CENPK: variants seen among roughly 807,000 people sequenced by gnomAD.
CENPK encodes centromere protein K, also known as SoxLZ/Sox6-binding protein Solt.
CENPK carries 46 observed loss-of-function variants against 40.9 expected under a neutral mutation model. The ratio of observed to expected loss-of-function variants is 1.13; its 90% CI spans 0.89 to 1.44. The LOEUF (loss-of-function observed/expected upper bound fraction) is 1.44, where lower values mean the gene tolerates loss of function less well. CENPK is among the 40% of genes most tolerant of loss of function. The probability of loss-of-function intolerance (pLI) is 0.00; values close to 1 mark genes in which losing one functional copy is unlikely to be tolerated. For synonymous variants in CENPK, 107 were observed against 104.4 expected (o/e 1.02, Z -0.15); for missense variants, 288 against 303.5 (o/e 0.95, Z 0.38).
chr5:65,547,441 T>C (rs1749207927), intron 5 of CENPK, among the ~76,000 whole-genome samples: 1 of 149,160 alleles, frequency 6.7e-6, no homozygotes, highest in Non-Finnish European at 1.5e-5. Context: ...AGATGCTAAA[T>C]ATACTACTAA....
intron 2 of CENPK, among the ~76,000 whole-genome samples, chr5:65,557,732 T>C (rs1581107041): frequency 6.6e-6 from 1 of 152,194 alleles, no homozygotes; most frequent in Non-Finnish European, 1.5e-5. Context: ...ACAAAACTCA[T>C]GAGCGTAATA....
Position 65,518,243 on chromosome 5 carries a change from T to C in CENPK, c.*232A>G. 2.4e-6 allele frequency: 1 copy of C among 417,600 alleles called. No homozygotes were observed. 25.9% of individuals were successfully genotyped at this position (417,600 alleles called of 1,614,324 possible). A position where few individuals can be genotyped will look rare whatever the true frequency, so the allele number is the denominator to read the frequency against. ...TACATTAAATGTTTTATGCCTAGAA[T>C]ATTATCTACCTGCATTCTTATCCAT... On this transcript the variant is annotated 3_prime_UTR_variant, in exon 11 of 11. Transcript: ENST00000396679.
At chr5:65,515,204 A>AATTTTTTTTTTTTTTTTTTTTTTTTT (rs35708852), downstream of CENPK, among the ~76,000 whole-genome samples, 2 of 124,054 alleles carry the variant, frequency 1.6e-5, 1 homozygote, top group African/African-American at 6.2e-5. Flanking sequence ...TCTCAAAAAA[A>AATTTTTTTTTTTTTTTTTTTTTTTTT]TTTTTTTTTT....
intron 6 of CENPK, among the ~76,000 whole-genome samples, chr5:65,537,697 T>C (rs1453868747): frequency 6.6e-6 from 1 of 152,220 alleles, no homozygotes; most frequent in Non-Finnish European, 1.5e-5. Context: ...GGCGGGCTTT[T>C]TTCATTTAGC....
chr5:65,561,749 G>C (rs1752007713), intron 1 of CENPK, among the ~76,000 whole-genome samples, 185 bp from the exon 2 acceptor site: 1 of 140,940 alleles, frequency 7.1e-6, no homozygotes, highest in Non-Finnish European at 1.6e-5. Flanking sequence ...AAGAAAAACA[G>C]TATCTCTTTA....
At chr5:65,528,696 A>C in intron 8 of CENPK, 118 bp from the exon 9 acceptor site, 1 of 1,257,146 alleles carries the variant, frequency 8.0e-7, no homozygotes, top group Non-Finnish European at 1.1e-6. Flanking sequence ...CTCAAACCAA[A>C]TAACTACCTT....
chr5:65,509,217 T>C, the CENPK span, among the ~76,000 whole-genome samples: 1 of 152,214 alleles, frequency 6.6e-6, no homozygotes. Flanking sequence ...TTCTCAGTTA[T>C]AAACAATACG....
intron 5 of CENPK, among the ~76,000 whole-genome samples, chr5:65,543,115 C>T (rs1748266196): frequency 6.6e-6 from 1 of 152,232 alleles, no homozygotes; most frequent in East Asian, 1.9e-4. Flanking sequence ...AGGCATCCAC[C>T]AACATGCCTG....
At chr5:65,543,631 T>C (rs1309560154) in intron 5 of CENPK, among the ~76,000 whole-genome samples, 2 of 152,180 alleles carry the variant, frequency 1.3e-5, no homozygotes, top group African/African-American at 4.8e-5. Context: ...CCAAAATGAA[T>C]ATACCATAAT....
At chr5:65,545,377 C>T (rs1748741146) in intron 5 of CENPK, among the ~76,000 whole-genome samples, 1 of 139,476 alleles carries the variant, frequency 7.2e-6, no homozygotes, top group African/African-American at 2.6e-5. Context: ...CACACACACA[C>T]ACACGCCTTC....
chr5:65,508,831 G>A, the CENPK span, among the ~76,000 whole-genome samples: 1 of 147,414 alleles, frequency 6.8e-6, no homozygotes, highest in East Asian at 2.0e-4. Flanking sequence ...ACTTCTGGGA[G>A]AAAATGTTGT....
intron 6 of CENPK, among the ~76,000 whole-genome samples, chr5:65,540,890 C>T (rs543494271): frequency 9.9e-5 from 15 of 151,664 alleles, no homozygotes; most frequent in Middle Eastern, 6.8e-3. Flanking sequence ...TCACTGCAGC[C>T]TCAACCTCCC....
chr5:65,521,661 CGCAATCTCGGTTCACT>C (rs1743780133), intron 9 of CENPK, 133 bp from the exon 10 acceptor site: 1 of 645,860 alleles, frequency 1.5e-6, no homozygotes, highest in Non-Finnish European at 2.7e-6. Context: ...AGTGCAATGG[CGCAATCTCGGTTCACT>C]GCAACCTCCG....
At chr5:65,554,251 C>G (rs1051617363) in intron 3 of CENPK, among the ~76,000 whole-genome samples, 3 of 151,980 alleles carry the variant, frequency 2.0e-5, no homozygotes, top group African/African-American at 7.3e-5. Context: ...AAGCAATTCT[C>G]CTGTCTCAGC....
the CENPK span, among the ~76,000 whole-genome samples, chr5:65,505,824 A>C: frequency 1.3e-5 from 2 of 152,124 alleles, no homozygotes; most frequent in African/African-American, 4.8e-5. Context: ...TTTTTATCAC[A>C]AACTTCTATG....
chr5:65,546,294 C>A (rs1748958743), intron 5 of CENPK, among the ~76,000 whole-genome samples: 1 of 152,094 alleles, frequency 6.6e-6, no homozygotes, highest in Non-Finnish European at 1.5e-5. Flanking sequence ...ACGTGAGCCA[C>A]CACACCCGGC....
intron 5 of CENPK, among the ~76,000 whole-genome samples, chr5:65,547,609 G>A (rs1338316272): frequency 6.6e-6 from 1 of 151,932 alleles, no homozygotes; most frequent in African/African-American, 2.4e-5. Flanking sequence ...CAAGAATATG[G>A]ATAAAATTGT....
chr5:65,516,967 G>A (rs577707704), downstream of CENPK, among the ~76,000 whole-genome samples: 12 of 151,398 alleles, frequency 7.9e-5, no homozygotes, highest in East Asian at 1.9e-4. Context: ...CTTTTGAGAC[G>A]GAGTTTTGCT....
intron 5 of CENPK, among the ~76,000 whole-genome samples, chr5:65,546,345 A>AAAGG (rs35535153): frequency 0.68 from 103,043 of 151,446 alleles, 35,582 homozygotes; most frequent in East Asian, 0.89. Context: ...GCAAAATGAA[A>AAAGG]AAGAATCTAG....
Sources: allele counts gnomAD v4.1 joint callset (sites outside exome capture counted in the v4.1 genomes callset), GRCh38; gene constraint gnomAD v4.1.1; transcripts MANE v1.5; gene names NCBI Gene and HGNC (gene_info 2026-07-23, HGNC 2026-07-21).